The following SETD5 variants were observed in gnomAD, a reference collection of about 807,000 sequenced individuals.
SETD5 encodes the protein SET domain containing 5.
A neutral mutation model predicts 153.3 loss-of-function variants in SETD5; 44 were observed. The ratio of observed to expected loss-of-function variants is 0.29; its 90% confidence interval spans 0.23 to 0.37. SETD5 has a LOEUF of 0.37. Ranked by LOEUF, SETD5 falls within the 10% of genes least tolerant of loss-of-function variation. The pLI is 1.00. For synonymous variants in SETD5, 716 were observed against 645.2 expected, an observed-to-expected ratio of 1.11 and a Z score of -1.66; for missense variants, 1,544 against 1,768.0, an observed-to-expected ratio of 0.87 and a Z score of 2.27.
chr3:9,460,173 G>A (rs2043784112), intron 17 of SETD5, among the ~76,000 whole-genome samples: 1 of 151,696 alleles, frequency 6.6e-6, no homozygotes, highest in Non-Finnish European at 1.5e-5. Flanking sequence ...GAGATTAATA[G>A]GGTAACTGGA....
chr3:9,468,435 C>G, intron 18 of SETD5: 2 of 1,222,740 alleles, frequency 1.6e-6, no homozygotes, highest in Non-Finnish European at 2.2e-6. Context: ...TGGCTAACAT[C>G]TATGCTTGCT....
rs369865702 is a variant in SETD5 at position 9,425,055 on chromosome 3, C to G, written c.-117+529C>G. The stretch of plus-strand genomic sequence containing the variant: ...AAATTTATAGTTACCGACAATGTTT[C>G]TTTTTTTTTTTTTTTTTTTTTTTGA... On this transcript the variant is annotated intron_variant, in intron 2 of 22. Coordinates refer to ENST00000402198, the MANE Select transcript of SETD5 (RefSeq NM_001080517.3). Among the ~76,000 whole-genome samples, 137 of 83,650 alleles carry G rather than the reference C, an allele frequency of 1.6e-3. 1 individual carries two copies. Among genetic ancestry groups the G allele is most frequent in the Admixed American group, 7.7e-3 (54 of 7,052 alleles). 54.9% of individuals were successfully genotyped at this position (83,650 alleles called of 152,430 possible).
intron 1 of SETD5, among the ~76,000 whole-genome samples, chr3:9,417,899 A>G (rs994072205): frequency 2.7e-5 from 4 of 149,680 alleles, no homozygotes; most frequent in Non-Finnish European, 5.9e-5. Flanking sequence ...ATGAAGCATC[A>G]TATTTTAAAC....
intron 1 of SETD5, among the ~76,000 whole-genome samples, chr3:9,406,173 T>C (rs919552232): frequency 2.6e-5 from 4 of 152,192 alleles, no homozygotes; most frequent in African/African-American, 9.7e-5. Flanking sequence ...ATTTTAAAAA[T>C]AAATGTGTTT....
chr3:9,466,725 C>T (rs924918235), intron 18 of SETD5, among the ~76,000 whole-genome samples: 3 of 151,970 alleles, frequency 2.0e-5, no homozygotes, highest in South Asian at 2.1e-4. Context: ...AAAGGTGTCA[C>T]GTATAAAGAC....
intron 3 of SETD5, chr3:9,430,795 A>G (rs1575354729): frequency 2.0e-6 from 2 of 982,796 alleles, no homozygotes; most frequent in Non-Finnish European, 2.4e-6. Flanking sequence ...TGGGGAGTCT[A>G]GGACTAATTC....
intron 1 of SETD5, among the ~76,000 whole-genome samples, chr3:9,403,607 C>T (rs954412885): frequency 2.0e-5 from 3 of 152,230 alleles, no homozygotes; most frequent in African/African-American, 4.8e-5. Context: ...ATTTCAGCCT[C>T]ATCCTTAGTT....
Position 9,445,745 on chromosome 3 carries a change from G to A in SETD5, c.1524+5G>A, listed in dbSNP as rs1466201216. On this transcript the variant is annotated splice_donor_5th_base_variant and intron_variant, in intron 13 of 22. Transcript: ENST00000402198. ...AACCTAGCTCATAGCAGGAGGGTGAGTACTGTCTGACATTACTTTGCTCCT... is the reference window on the plus strand; with the variant it reads ...AACCTAGCTCATAGCAGGAGGGTGAATACTGTCTGACATTACTTTGCTCCT... The A allele has an allele frequency of 2.5e-6, 4 of 1,600,932 alleles. No homozygotes were observed. Among genetic ancestry groups the A allele is most frequent in the Non-Finnish European group, 3.4e-6 (4 of 1,173,768 alleles).
At chr3:9,448,097 C>T in intron 15 of SETD5, 91 bp downstream of exon 15, 1 of 1,318,570 alleles carries the variant, frequency 7.6e-7, no homozygotes, top group African/African-American at 1.5e-5. Flanking sequence ...AGAAACTAAT[C>T]TCAATATTAC....
At chr3:9,430,884 AAC>A (rs2039882319) in intron 3 of SETD5, 2 of 985,454 alleles carry the variant, frequency 2.0e-6, no homozygotes, top group Non-Finnish European at 2.4e-6. Context: ...GATTTCCTGA[AAC>A]ATTTTCATTC....
rs756530251 is a variant in SETD5 at position 9,447,189 on chromosome 3, G to T, written c.1664G>T (p.Gly555Val). The T allele has an allele frequency of 6.2e-6, 10 of 1,613,900 alleles. No homozygotes were observed. Among genetic ancestry groups the T allele is most frequent in the Middle Eastern group, 1.6e-4 (1 of 6,084 alleles). The change falls in exon 14 of 23, where the codon GGT becomes GTT. Residue 555 changes from glycine (G) to valine (V), a missense_variant. Physicochemically the swap from Gly to Val is moderately radical, Grantham distance 109. Around this residue, in one of 9 missense-constraint regions of SETD5, gnomAD observed 782 missense variants for 787.2 expected, o/e 0.99. Transcript: ENST00000402198. ...ITTTTSETPVGEETKTEAPES... is the reference protein window; with the variant it reads ...ITTTTSETPVVEETKTEAPES... ...ACAACCACCTCAGAGACTCCTGTTG[G>T]TGAAGAGACAAAAACTGAAGCCCCT... is the stretch of plus-strand genomic sequence containing the variant.
At chr3:9,456,137 A>G (rs1307047120) in intron 17 of SETD5, among the ~76,000 whole-genome samples, 1 of 152,192 alleles carries the variant, frequency 6.6e-6, no homozygotes, top group Non-Finnish European at 1.5e-5. Flanking sequence ...ACAGACCTTT[A>G]CTTGAAAACC....
In SETD5 at chr3:9,447,031, C is replaced by T. The variant is rs74787011; in HGVS notation, c.1525-19C>T. ...CCTCATTTGAAGCTTCCTTCTACAC[C>T]AGTACTATCTCTTTCTAGACCAGGG... is the stretch of plus-strand genomic sequence containing the variant. On this transcript the variant is annotated intron_variant, in intron 13 of 22. Transcript: ENST00000402198. 5.7e-6 allele frequency: 9 copies of T among 1,586,768 alleles called. No individual in the cohort carries two copies. The highest frequency in any genetic ancestry group is 6.9e-6 in the Non-Finnish European group (8 of 1,166,708).
At chr3:9,412,977 C>G (rs765430138) in intron 1 of SETD5, among the ~76,000 whole-genome samples, 3 of 152,076 alleles carry the variant, frequency 2.0e-5, no homozygotes, top group Non-Finnish European at 4.4e-5. Flanking sequence ...ATTCTCATGC[C>G]TCAGCCTCCC....
In SETD5 at chr3:9,476,404, C is replaced by G. The variant is rs2045853352; in HGVS notation, c.*313C>G. The stretch of plus-strand genomic sequence containing the variant: ...TGAGTTGTGTTGAAGCCTCCGTCTC[C>G]CATCCTTGCCTGTAGCCCGTAGTCA... On this transcript the variant is annotated 3_prime_UTR_variant, in exon 23 of 23. Transcript: ENST00000402198. 3.6e-6 allele frequency: 1 copy of G among 279,766 alleles called. No homozygotes were observed. The allele number at this position is 279,766 out of a possible 1,614,324, so 17.3% of individuals were successfully genotyped here.
At chr3:9,412,783 G>A (rs2036801002) in intron 1 of SETD5, among the ~76,000 whole-genome samples, 1 of 151,540 alleles carries the variant, frequency 6.6e-6, no homozygotes, top group South Asian at 2.1e-4. Flanking sequence ...GAAATGAAAT[G>A]TTATCTGGGG....
intron 1 of SETD5, among the ~76,000 whole-genome samples, chr3:9,423,556 T>G (rs1333637172): frequency 2.0e-5 from 3 of 152,246 alleles, no homozygotes; most frequent in Non-Finnish European, 4.4e-5. Flanking sequence ...TGCTTCTTCC[T>G]TGATTTACTT....
intron 3 of SETD5, chr3:9,430,773 C>G (rs542251716): frequency 1.0e-6 from 1 of 957,218 alleles, no homozygotes; most frequent in African/African-American, 1.8e-5. Context: ...CATGACTGCC[C>G]GTAAATACTG....
In SETD5 at chr3:9,441,799, G is replaced by C. The variant is rs901000860; in HGVS notation, c.959+58G>C. 3 of 1,604,392 alleles carry C rather than the reference G, an allele frequency of 1.9e-6. No homozygotes were observed. The Admixed American group carries it at 5.1e-5, about 27-fold the overall frequency. ...AAGGTGGACCTGGTTGACCAGTGTT[G>C]TTGTAAAAATCATTCTGTTTGATAA... On this transcript the variant is annotated intron_variant, in intron 9 of 22. Coordinates refer to ENST00000402198, the MANE Select transcript of SETD5 (RefSeq NM_001080517.3).
Sources: gnomAD v4.1 joint callset for allele counts (sites outside exome capture counted in the v4.1 genomes callset) on GRCh38, gnomAD v4.1.1 for gene constraint, gnomAD v4.1.1 regional missense constraint, MANE v1.5 for transcripts, NCBI Gene and HGNC (gene_info 2026-07-23, HGNC 2026-07-21) for gene names.